ELOVL6: variants seen among roughly 807,000 people sequenced by gnomAD.
ELOVL6 encodes ELOVL fatty acid elongase 6, also known as very long chain fatty acid elongase 6.
In ELOVL6, 8 loss-of-function variants were observed where a neutral mutation model predicts 31.7. That is an observed-to-expected ratio of 0.25 (90% CI 0.15 to 0.45). The LOEUF is 0.45. Among genes scored for constraint, ELOVL6 ranks in the 20% least tolerant of loss-of-function variants. ELOVL6 has a pLI of 1.00. For synonymous variants in ELOVL6, 101 were observed against 117.7 expected (o/e 0.86, Z 0.92); for missense variants, 126 against 326.4 (o/e 0.39, Z 4.73).
intron 2 of ELOVL6, among the ~76,000 whole-genome samples, chr4:110,063,380 A>G (rs756333530): frequency 1.3e-5 from 2 of 151,476 alleles, no homozygotes; most frequent in Non-Finnish European, 1.5e-5. Flanking sequence ...CTTTTGGAGC[A>G]GTCGAAGTTG....
chr4:110,102,305 A>G (rs1756768156), intron 2 of ELOVL6, among the ~76,000 whole-genome samples: 1 of 152,242 alleles, frequency 6.6e-6, no homozygotes, highest in Non-Finnish European at 1.5e-5. Context: ...TTGTCAGTCT[A>G]AAAAAGATAA....
intron 1 of ELOVL6, among the ~76,000 whole-genome samples, chr4:110,160,419 T>C (rs547456380): frequency 8.5e-5 from 13 of 152,332 alleles, no homozygotes; most frequent in African/African-American, 3.1e-4. Flanking sequence ...GGAATCGCTA[T>C]CAGACATGCT....
At chr4:110,084,531 TACACACACACACACACAC>T (rs67665852) in intron 2 of ELOVL6, among the ~76,000 whole-genome samples, 5 of 70,356 alleles carry the variant, frequency 7.1e-5, no homozygotes, top group South Asian at 9.5e-4. Flanking sequence ...TATATACACT[TACACACACACACACACAC>T]ACACACACAC....
chr4:110,106,467 C>T lies in ELOVL6; in HGVS notation c.90-839G>A, dbSNP rs540803167. 5.3e-5 allele frequency among the ~76,000 whole-genome samples: 8 copies of T among 152,202 alleles called. No homozygotes were observed. The East Asian group carries it at 9.6e-4, about 18-fold the overall frequency. ...CTCCGGGGAAAGGGGCGGGGATTTC[C>T]CCAGGAACAGAACTGAGGGTTCCTT... On this transcript the variant is annotated intron_variant, in intron 1 of 3. Coordinates refer to ENST00000302274, the MANE Select transcript of ELOVL6 (RefSeq NM_024090.3).
In ELOVL6 at chr4:110,082,820, C is replaced by T. The variant is rs192302272; in HGVS notation, c.221+22677G>A. On this transcript the variant is annotated intron_variant, in intron 2 of 3. Transcript: ENST00000302274. ...CTCACAGCGCATCCCTGTCAAGGGA[C>T]GCATGACTGTGTATGATAGGCCATG... 6.6e-5 allele frequency among the ~76,000 whole-genome samples: 10 copies of T among 152,330 alleles called. No individual in the cohort carries two copies. The East Asian group carries it at 1.2e-3, about 18-fold the overall frequency.
intron 2 of ELOVL6, among the ~76,000 whole-genome samples, chr4:110,077,669 A>C (rs1755685936): frequency 2.0e-5 from 3 of 152,190 alleles, no homozygotes; most frequent in Admixed American, 2.0e-4. Flanking sequence ...GGAAACTCTA[A>C]AAATCAGAGC....
intron 1 of ELOVL6, among the ~76,000 whole-genome samples, chr4:110,165,229 T>C (rs1303430519): frequency 6.6e-6 from 1 of 152,180 alleles, no homozygotes; most frequent in Admixed American, 6.5e-5. Flanking sequence ...CAGAAAACAA[T>C]ACCAGGGCAC....
In ELOVL6 at chr4:110,051,116, A is replaced by T; in HGVS notation, c.*222T>A. 3.6e-6 allele frequency: 2 copies of T among 551,340 alleles called. No individual in the cohort carries two copies. Among genetic ancestry groups the T allele is most frequent in the Non-Finnish European group, 6.5e-6 (2 of 309,166 alleles). The allele number at this position is 551,340 out of a possible 1,614,324, so 34.2% of individuals were successfully genotyped here. ...AGAGGGAATGGGGTCTTCCAGCAGCAGTGCTTGGAGATGGAGGTGCACTCA... is the reference window on the plus strand; with the variant it reads ...AGAGGGAATGGGGTCTTCCAGCAGCTGTGCTTGGAGATGGAGGTGCACTCA... On this transcript the variant is annotated 3_prime_UTR_variant, in exon 4 of 4. Transcript: ENST00000302274. This position sits in a 1 kb window ranked among gnomAD's most constrained non-coding sequence, Gnocchi z 4.8.
Position 110,161,640 on chromosome 4 carries a change from T to C in ELOVL6, c.89+36607A>G, listed in dbSNP as rs370619466. Among the ~76,000 whole-genome samples, 175 of 152,334 alleles carry C rather than the reference T, an allele frequency of 1.1e-3. 6 individuals carry two copies. The South Asian group carries it at 0.035, about 30-fold the overall frequency. ...TTAAAATGGCTCCCAAGCTTACTGCTATCTCATGTTCCTAAGAACGAGAAG... is the reference window on the plus strand; with the variant it reads ...TTAAAATGGCTCCCAAGCTTACTGCCATCTCATGTTCCTAAGAACGAGAAG... On this transcript the variant is annotated intron_variant, in intron 1 of 3. Coordinates refer to ENST00000302274, the MANE Select transcript of ELOVL6 (RefSeq NM_024090.3).
chr4:110,131,644 A>G (rs1757672863), intron 1 of ELOVL6, among the ~76,000 whole-genome samples: 2 of 152,180 alleles, frequency 1.3e-5, no homozygotes, highest in East Asian at 1.9e-4. Flanking sequence ...AAAGAAAAAA[A>G]ACAAAAACTC....
chr4:110,083,618 A>G (rs1359164267), intron 2 of ELOVL6, among the ~76,000 whole-genome samples: 1 of 151,644 alleles, frequency 6.6e-6, no homozygotes, highest in East Asian at 1.9e-4. Flanking sequence ...GCAGGTAATG[A>G]CATGATTTGT....
intron 1 of ELOVL6, among the ~76,000 whole-genome samples, chr4:110,154,733 T>C (rs1001189124): frequency 1.3e-5 from 2 of 152,206 alleles, no homozygotes; most frequent in African/African-American, 4.8e-5. Context: ...CCCCACTGAG[T>C]TGAGAAGATG....
intron 2 of ELOVL6, among the ~76,000 whole-genome samples, chr4:110,089,510 C>T (rs190750528): frequency 6.6e-6 from 1 of 152,258 alleles, no homozygotes; most frequent in Admixed American, 6.5e-5. Context: ...TACATACAGA[C>T]AGCTTATAAG....
At chr4:110,128,002 G>A (rs1386331720) in intron 1 of ELOVL6, among the ~76,000 whole-genome samples, 1 of 150,586 alleles carries the variant, frequency 6.6e-6, no homozygotes, top group African/African-American at 2.4e-5. Flanking sequence ...GAGCCCAGGA[G>A]TTCAAGACTG....
intron 1 of ELOVL6, among the ~76,000 whole-genome samples, chr4:110,113,192 C>T (rs1256035515): frequency 6.7e-6 from 1 of 148,896 alleles, no homozygotes; most frequent in Non-Finnish European, 1.5e-5. Context: ...TGTGCCACTG[C>T]ACTCCAGCCT....
chr4:110,126,260 T>A (rs1757492409), intron 1 of ELOVL6, among the ~76,000 whole-genome samples: 1 of 152,140 alleles, frequency 6.6e-6, no homozygotes, highest in Non-Finnish European at 1.5e-5. Flanking sequence ...CCCAGGGTAG[T>A]CTTGAACTCC....
intron 1 of ELOVL6, among the ~76,000 whole-genome samples, chr4:110,118,804 T>C (rs971146939): frequency 6.6e-6 from 1 of 152,192 alleles, no homozygotes; most frequent in Non-Finnish European, 1.5e-5. Flanking sequence ...CAATGGCTCA[T>C]GTCTGTAACC....
At chr4:110,073,140 T>C (rs1390398740) in intron 2 of ELOVL6, among the ~76,000 whole-genome samples, 1 of 152,202 alleles carries the variant, frequency 6.6e-6, no homozygotes, top group Non-Finnish European at 1.5e-5. Flanking sequence ...AATGTAATGA[T>C]ACAATTCTGG....
chr4:110,161,090 T>C (rs1300948692), intron 1 of ELOVL6, among the ~76,000 whole-genome samples: 1 of 152,146 alleles, frequency 6.6e-6, no homozygotes, highest in Non-Finnish European at 1.5e-5. Flanking sequence ...GAAGACAGTA[T>C]CTAGCAACAT....
Sources: gnomAD v4.1 joint callset for allele counts (sites outside exome capture counted in the v4.1 genomes callset) on GRCh38, gnomAD v4.1.1 for gene constraint, Gnocchi (gnomAD v3.1) non-coding constraint, MANE v1.5 for transcripts, NCBI Gene and HGNC (gene_info 2026-07-23, HGNC 2026-07-21) for gene names.